Variants in CNTNAP2 observed in about 807,000 individuals in gnomAD.
CNTNAP2 encodes contactin associated protein 2.
In CNTNAP2, 98 loss-of-function variants were observed where a neutral mutation model predicts 155.2. That is an observed-to-expected ratio of 0.63 (90% CI 0.54 to 0.75). The LOEUF is 0.75. Among genes scored for constraint, CNTNAP2 ranks in the 30% least tolerant of loss-of-function variants. CNTNAP2 has a pLI of 0.00. For missense variants in CNTNAP2, 1,727 were observed against 1,688.1 expected, an observed-to-expected ratio of 1.02 and a Z score of -0.40; for synonymous variants, 651 against 631.2, an observed-to-expected ratio of 1.03 and a Z score of -0.47.
chr7:147,617,796 T>C (rs1584858120), intron 12 of CNTNAP2, among the ~76,000 whole-genome samples: 1 of 152,210 alleles, frequency 6.6e-6, no homozygotes, highest in East Asian at 1.9e-4. Context: ...AAAGTCAAGA[T>C]GGGTGCCCTC....
At position 146,406,371 on chromosome 7, in the gene CNTNAP2, A is replaced by G. The variant is rs562391317; in HGVS notation, c.97+289398A>G. Among the ~76,000 whole-genome samples, 12 of 152,314 alleles carry G rather than the reference A, an allele frequency of 7.9e-5. No homozygotes were observed. In the South Asian group the frequency reaches 1.2e-3, roughly 16 times the overall value. On this transcript the variant is annotated intron_variant, in intron 1 of 23. Transcript: ENST00000361727. ...TACATGCACATTTAATGATAAACCAATGATTTTAAAAGGCATGTGAACTGC... is the reference window on the plus strand; with the variant it reads ...TACATGCACATTTAATGATAAACCAGTGATTTTAAAAGGCATGTGAACTGC...
intron 1 of CNTNAP2, among the ~76,000 whole-genome samples, chr7:146,213,050 G>A (rs1359188480): frequency 6.6e-6 from 1 of 152,100 alleles, no homozygotes; most frequent in Admixed American, 6.6e-5. Context: ...AGTGTCCTTG[G>A]AAAACACTGA....
chr7:146,715,949 G>T (rs1801179649), intron 1 of CNTNAP2, among the ~76,000 whole-genome samples: 1 of 152,048 alleles, frequency 6.6e-6, no homozygotes, highest in African/African-American at 2.4e-5. Context: ...CTAAGTCACA[G>T]TGTTGGATCT....
chr7:146,321,830 G>T (rs888766365), intron 1 of CNTNAP2, among the ~76,000 whole-genome samples: 1 of 152,136 alleles, frequency 6.6e-6, no homozygotes, highest in African/African-American at 2.4e-5. Context: ...AAGTAATCTA[G>T]TTTAAAATAT....
chr7:147,671,347 G>T (rs996674357), intron 13 of CNTNAP2, among the ~76,000 whole-genome samples: 1 of 152,112 alleles, frequency 6.6e-6, no homozygotes, highest in Non-Finnish European at 1.5e-5. Context: ...GTGTAGAGGA[G>T]GACCGGACAC....
At chr7:147,214,732 A>G (rs141990369) in intron 8 of CNTNAP2, among the ~76,000 whole-genome samples, 33 of 152,264 alleles carry the variant, frequency 2.2e-4, no homozygotes, top group African/African-American at 7.9e-4. Context: ...GATATCCTGT[A>G]TATTTCCTGC....
At chr7:148,285,162 T>C (rs1213839730) in intron 21 of CNTNAP2, among the ~76,000 whole-genome samples, 1 of 152,254 alleles carries the variant, frequency 6.6e-6, no homozygotes, top group African/African-American at 2.4e-5. Flanking sequence ...AGATTTTGAA[T>C]GTCACAGCTC....
chr7:146,595,898 CT>C (rs887559666), intron 1 of CNTNAP2, among the ~76,000 whole-genome samples: 5 of 152,008 alleles, frequency 3.3e-5, no homozygotes, highest in African/African-American at 1.2e-4. Context: ...TATAGTCACA[CT>C]TTTTAACTTG....
chr7:148,383,637 T>TTTTTC lies in CNTNAP2; in HGVS notation c.3476-7_3476-3dup. Reference sequence around the variant, plus strand: ...GAGTCAAGTAACATTTTCATTTCTTTTTTTCTTTTAGAAACAGGGAAAATT... The same window carrying TTTTTC: ...GAGTCAAGTAACATTTTCATTTCTTTTTTTCTTTTCTTTTAGAAACAGGGAAAATT... On this transcript the variant is annotated splice_polypyrimidine_tract_variant and intron_variant, in intron 21 of 23. Transcript: ENST00000361727. 6.2e-7 allele frequency: 1 copy of TTTTTC among 1,614,192 alleles called. No individual in the cohort carries two copies. The highest frequency in any genetic ancestry group is 8.5e-7 in the Non-Finnish European group (1 of 1,180,036).
At chr7:147,002,944 C>CAAAAAAAAAAAAAAA (rs773401142) in intron 3 of CNTNAP2, among the ~76,000 whole-genome samples, 3 of 52,940 alleles carry the variant, frequency 5.7e-5, no homozygotes, top group African/African-American at 1.4e-4. Flanking sequence ...ATGTTCCTTC[C>CAAAAAAAAAAAAAAA]AAAAAAAAAA....
At chr7:147,432,529 C>T (rs1308405904) in intron 10 of CNTNAP2, among the ~76,000 whole-genome samples, 1 of 152,150 alleles carries the variant, frequency 6.6e-6, no homozygotes, top group Non-Finnish European at 1.5e-5. Context: ...TGTTGTGAGT[C>T]TCATTGGTTA....
At position 147,108,296 on chromosome 7, in the gene CNTNAP2, G is replaced by A. The variant is rs867768148; in HGVS notation, c.700G>A (p.Asp234Asn). 6.2e-7 allele frequency: 1 copy of A among 1,613,746 alleles called. No homozygotes were observed. Among genetic ancestry groups the A allele is most frequent in the Admixed American group, 1.7e-5 (1 of 59,964 alleles). Residue 234 changes from aspartate (D) to asparagine (N), a missense_variant, in exon 5 of 24, where the codon GAT (aspartate) becomes AAT (asparagine). By Grantham distance (23) the Asp-to-Asn change is conservative. Transcript: ENST00000361727. ...VILHGEGQQG[D>N]YITLELKKAK... The stretch of plus-strand genomic sequence containing the variant: ...CCTGCACGGAGAAGGACAGCAAGGA[G>A]ATTACATTACCTTGGAACTGAAAAA...
Position 147,133,502 on chromosome 7 carries a change from A to G in CNTNAP2, c.1348+993A>G, listed in dbSNP as rs375460130. ...ATGCATATACCTGACACGGTTTCTA[A>G]CACACTATGATTTTTGTCCCTCTCT... On this transcript the variant is annotated intron_variant, in intron 8 of 23. Transcript: ENST00000361727. Among the ~76,000 whole-genome samples, 74 of 152,074 alleles carry G rather than the reference A, an allele frequency of 4.9e-4. No homozygotes were observed. In the East Asian group the frequency reaches 5.8e-3, roughly 12 times the overall value.
At chr7:148,285,258 T>G (rs982085511) in intron 21 of CNTNAP2, among the ~76,000 whole-genome samples, 1 of 152,246 alleles carries the variant, frequency 6.6e-6, no homozygotes, top group Admixed American at 6.5e-5. Context: ...AACAATAAAG[T>G]GTATTTATCT....
intron 1 of CNTNAP2, among the ~76,000 whole-genome samples, chr7:146,261,591 C>T (rs1018058449): frequency 6.6e-6 from 1 of 152,022 alleles, no homozygotes; most frequent in Admixed American, 6.6e-5. Flanking sequence ...AAACTAGCTA[C>T]TACATCACTC....
chr7:146,691,913 C>T (rs1011300505), intron 1 of CNTNAP2, among the ~76,000 whole-genome samples: 4 of 151,942 alleles, frequency 2.6e-5, no homozygotes, highest in Admixed American at 2.0e-4. Flanking sequence ...TCAATGGTAA[C>T]GTCTTGGATT....
intron 8 of CNTNAP2, among the ~76,000 whole-genome samples, chr7:147,218,001 T>G (rs1327760746): frequency 6.6e-6 from 1 of 152,028 alleles, no homozygotes; most frequent in African/African-American, 2.4e-5. Flanking sequence ...ACCTTTAATT[T>G]CTAATATTAG....
chr7:148,017,901 A>G (rs1245091282), intron 15 of CNTNAP2, among the ~76,000 whole-genome samples: 7 of 152,196 alleles, frequency 4.6e-5, no homozygotes, highest in African/African-American at 1.7e-4. Context: ...GGCTACCCAA[A>G]ATGGTAATGG....
intron 21 of CNTNAP2, among the ~76,000 whole-genome samples, chr7:148,339,191 C>A (rs1798177170): frequency 6.6e-6 from 1 of 151,538 alleles, no homozygotes; most frequent in East Asian, 1.9e-4. Context: ...CAGAGCCCTC[C>A]TTGTAGGTCA....
Sources: gnomAD v4.1 joint callset for allele counts (sites outside exome capture counted in the v4.1 genomes callset) on GRCh38, gnomAD v4.1.1 for gene constraint, MANE v1.5 for transcripts, NCBI Gene and HGNC (gene_info 2026-07-23, HGNC 2026-07-21) for gene names.